STX7: variants seen among roughly 807,000 people sequenced by gnomAD.
The protein encoded by STX7 is syntaxin 7, also known as syntaxin-7.
In STX7, 34 loss-of-function variants were observed where a neutral mutation model predicts 39.6. The ratio of observed to expected loss-of-function variants is 0.86; its 90% CI spans 0.65 to 1.14. STX7 has a LOEUF of 1.14. STX7 is among the 50% of genes most tolerant of loss of function. The pLI, the probability that STX7 is intolerant of heterozygous loss-of-function variation, is 0.00. For missense variants in STX7, 284 were observed against 310.4 expected, an observed-to-expected ratio of 0.92 and a Z score of 0.64; for synonymous variants, 119 against 99.1, an observed-to-expected ratio of 1.20 and a Z score of -1.19.
chr6:132,469,194 T>C (rs3778572), intron 7 of STX7, among the ~76,000 whole-genome samples: 15,102 of 152,210 alleles, frequency 0.099, 879 homozygotes, highest in East Asian at 0.16. Flanking sequence ...CCATAAGAAC[T>C]ATGACTTAAT....
At chr6:132,510,179 T>A (rs966069661) in intron 1 of STX7, among the ~76,000 whole-genome samples, 14 of 152,316 alleles carry the variant, frequency 9.2e-5, no homozygotes, top group African/African-American at 2.4e-4. Flanking sequence ...AAAAGGTGAC[T>A]ACAATTAATT....
rs373313738 is a variant in STX7 at position 132,492,729 on chromosome 6, G to A, written c.85+10717C>T. Among the ~76,000 whole-genome samples, 110 of 152,214 alleles carry A rather than the reference G, an allele frequency of 7.2e-4. No homozygotes were observed. The Middle Eastern group carries it at 0.01, about 14-fold the overall frequency. On this transcript the variant is annotated intron_variant, in intron 2 of 9. Transcript: ENST00000367941. ...TTTTCTCACCTGACCAGGGTGACTG[G>A]AAGATCAAAAACAATGCACAAAAAA...
In STX7 at chr6:132,455,504, C is replaced by T. The variant is rs1287798776; in HGVS notation, c.*5254G>A. On this transcript the variant is annotated 3_prime_UTR_variant, in exon 10 of 10. Transcript: ENST00000367941. ...GATTCAATTCAGTTCTAGAAAACTC[C>T]CTCGTCAACAAGTAGAGGTGTTGTG... The T allele has an allele frequency of 6.6e-6, 1 of 152,130 alleles. No individual in the cohort carries two copies. Among genetic ancestry groups the T allele is most frequent in the East Asian group, 1.9e-4 (1 of 5,188 alleles). The allele number at this position is 152,130 out of a possible 1,614,324, so 9.4% of individuals were successfully genotyped here. A position where few individuals can be genotyped will look rare whatever the true frequency, so the allele number is the denominator to read the frequency against.
intron 2 of STX7, among the ~76,000 whole-genome samples, chr6:132,475,949 A>T (rs1582657782): frequency 6.6e-6 from 1 of 152,320 alleles, no homozygotes; most frequent in African/African-American, 2.4e-5. Context: ...TTATTAAGTA[A>T]ATACAAGGGC....
At position 132,452,303 on chromosome 6, in the gene STX7, T is replaced by A. The variant is rs150421261; in HGVS notation, c.*8455A>T. On this transcript the variant is annotated 3_prime_UTR_variant, in exon 10 of 10. Coordinates refer to ENST00000367941, the MANE Select transcript of STX7 (RefSeq NM_003569.3). Reference sequence around the variant, plus strand: ...TTATACTTCATGGTGAAACACTGAATCCTTTCTGCCTAAGACCAGAAACAA... The same window carrying A: ...TTATACTTCATGGTGAAACACTGAAACCTTTCTGCCTAAGACCAGAAACAA... 2.6e-5 allele frequency: 4 copies of A among 152,190 alleles called. No homozygotes were observed. Among genetic ancestry groups the A allele is most frequent in the Non-Finnish European group, 4.4e-5 (3 of 67,988 alleles). 9.4% of individuals were successfully genotyped at this position (152,190 alleles called of 1,614,324 possible).
intron 7 of STX7, 106 bp from the exon 8 acceptor site, chr6:132,468,581 G>C (rs1157484220): frequency 1.5e-6 from 1 of 674,350 alleles, no homozygotes; most frequent in Non-Finnish European, 2.5e-6. Context: ...GGGTGAGCAT[G>C]CATCTATAAT....
chr6:132,510,750 T>C (rs1775825856), intron 1 of STX7, among the ~76,000 whole-genome samples: 2 of 152,158 alleles, frequency 1.3e-5, no homozygotes, highest in East Asian at 1.9e-4. Context: ...TATGAAGATA[T>C]ACAAACACTA....
Position 132,472,394 on chromosome 6 carries a change from C to A in STX7, c.156-19G>T. ...CTGTTGCCTAAAGTGAGAAAACACG[C>A]ATTACAGCCAAAGGACTAATATACT... On this transcript the variant is annotated intron_variant, in intron 3 of 9. Coordinates refer to ENST00000367941, the MANE Select transcript of STX7 (RefSeq NM_003569.3). The A allele has an allele frequency of 6.3e-7, 1 of 1,582,074 alleles. No homozygotes were observed. The highest frequency in any genetic ancestry group is 8.6e-7 in the Non-Finnish European group (1 of 1,156,980).
Position 132,459,305 on chromosome 6 carries a change from G to A in STX7, c.*1453C>T, listed in dbSNP as rs1332483234. Reference sequence around the variant, plus strand: ...AAATGGAGTTTTTCTGATATGCAAAGCAACTTCTACCAGTCTGACAAAGTA... The same window carrying A: ...AAATGGAGTTTTTCTGATATGCAAAACAACTTCTACCAGTCTGACAAAGTA... On this transcript the variant is annotated 3_prime_UTR_variant, in exon 10 of 10. Transcript: ENST00000367941. The A allele has an allele frequency of 6.6e-6, 1 of 152,180 alleles. No individual in the cohort carries two copies. Among genetic ancestry groups the A allele is most frequent in the Non-Finnish European group, 1.5e-5 (1 of 68,028 alleles). The allele number at this position is 152,180 out of a possible 1,614,324, so 9.4% of individuals were successfully genotyped here. A position where few individuals can be genotyped will look rare whatever the true frequency, so the allele number is the denominator to read the frequency against.
rs1774113662 is a variant in STX7 at position 132,450,368 on chromosome 6, G to C, written c.*10390C>G. Reference sequence around the variant, plus strand: ...ATATATTGGCATAAAGTTGTTTATAGTGTCTTATTATTTTAAAATCTATGT... The same window carrying C: ...ATATATTGGCATAAAGTTGTTTATACTGTCTTATTATTTTAAAATCTATGT... On this transcript the variant is annotated 3_prime_UTR_variant, in exon 10 of 10. Transcript: ENST00000367941. The C allele has an allele frequency of 6.6e-6, 1 of 152,050 alleles. No individual in the cohort carries two copies. Among genetic ancestry groups the C allele is most frequent in the Non-Finnish European group, 1.5e-5 (1 of 67,992 alleles). 9.4% of individuals were successfully genotyped at this position (152,050 alleles called of 1,614,324 possible).
intron 1 of STX7, among the ~76,000 whole-genome samples, chr6:132,504,758 C>G (rs73551865): frequency 6.6e-6 from 1 of 152,136 alleles, no homozygotes; most frequent in Non-Finnish European, 1.5e-5. Flanking sequence ...TAAAAGATCA[C>G]GTGCTAGGCT....
chr6:132,464,144 A>T, intron 8 of STX7, 69 bp from the exon 9 acceptor site: 5 of 1,397,968 alleles, frequency 3.6e-6, no homozygotes, highest in Non-Finnish European at 5.1e-6. Context: ...AAATCACTAA[A>T]TTTCATTCAA....
chr6:132,490,981 C>CAGCACAGCACAGCAT (rs1775266744), intron 2 of STX7, among the ~76,000 whole-genome samples: 1 of 142,992 alleles, frequency 7.0e-6, no homozygotes, highest in Non-Finnish European at 1.5e-5. Flanking sequence ...CAGCACAGCA[C>CAGCACAGCACAGCAT]AGCACAGCAC....
At chr6:132,462,003 C>T (rs12207033) in intron 9 of STX7, 77,606 of 759,956 alleles carry the variant, frequency 0.1, 4,369 homozygotes, top group East Asian at 0.16. Context: ...CTAATTTTTC[C>T]AGTGAATACT....
In STX7 at chr6:132,471,443, A is replaced by G. The variant is rs1774718236; in HGVS notation, c.387+20T>C. ...GCAAGTAACCATGTTCATTTCTAGA[A>G]TGTCTTTTAAAATACTTACAGACAC... On this transcript the variant is annotated intron_variant, in intron 5 of 9. Coordinates refer to ENST00000367941, the MANE Select transcript of STX7 (RefSeq NM_003569.3). The G allele has an allele frequency of 6.2e-7, 1 of 1,604,258 alleles. No homozygotes were observed. The highest frequency in any genetic ancestry group is 2.2e-5 in the East Asian group (1 of 44,746).
intron 2 of STX7, among the ~76,000 whole-genome samples, chr6:132,501,066 T>TC: frequency 6.6e-6 from 1 of 152,078 alleles, no homozygotes; most frequent in East Asian, 1.9e-4. Context: ...CCCTGTCTTT[T>TC]TTTTTTTTTT....
chr6:132,483,292 T>C (rs893543609), intron 2 of STX7, among the ~76,000 whole-genome samples: 1 of 152,192 alleles, frequency 6.6e-6, no homozygotes, highest in African/African-American at 2.4e-5. Context: ...ACCTAATATA[T>C]AATAAATGCT....
chr6:132,461,834 T>C, intron 9 of STX7: 4 of 1,542,032 alleles, frequency 2.6e-6, no homozygotes, highest in Non-Finnish European at 3.5e-6. Context: ...CGTTTGTACC[T>C]CACATCAACA....
At chr6:132,513,452 G>C (rs1424222027), upstream of STX7, among the ~76,000 whole-genome samples, 1 of 152,146 alleles carries the variant, frequency 6.6e-6, no homozygotes. Context: ...CAGCTCTATC[G>C]AAAAATGCAA....
Sources: gnomAD v4.1 joint callset for allele counts (sites outside exome capture counted in the v4.1 genomes callset) on GRCh38, gnomAD v4.1.1 for gene constraint, MANE v1.5 for transcripts, NCBI Gene and HGNC (gene_info 2026-07-23, HGNC 2026-07-21) for gene names.